The following CUL9 variants were observed in gnomAD, a reference collection of about 807,000 sequenced individuals.
The protein encoded by CUL9 is cullin 9.
Under a neutral mutation model 272.6 loss-of-function variants are expected in CUL9, and 79 were observed. The ratio of observed to expected loss-of-function variants is 0.29; its 90% confidence interval spans 0.24 to 0.35. The LOEUF is 0.35. Among genes scored for constraint, CUL9 ranks in the 10% least tolerant of loss-of-function variants. The pLI is 1.00. For synonymous variants in CUL9, 1,186 were observed against 1,286.5 expected (o/e 0.92, Z 1.67); for missense variants, 2,532 against 3,255.6 (o/e 0.78, Z 5.41).
chr6:43,195,999 A>G, intron 9 of CUL9, 70 bp from the exon 10 acceptor site: 1 of 1,393,690 alleles, frequency 7.2e-7, no homozygotes, highest in Non-Finnish European at 1.0e-6. Context: ...TTTGAGGTCT[A>G]GAATGAGGCC....
At chr6:43,201,074 A>T (rs954560038) in intron 16 of CUL9, among the ~76,000 whole-genome samples, 15 of 152,232 alleles carry the variant, frequency 9.9e-5, no homozygotes, top group African/African-American at 3.4e-4. Context: ...CTTAGTGTTG[A>T]GGGAGATAAA....
In CUL9 at chr6:43,192,722, A is replaced by G. The variant is rs117989753; in HGVS notation, c.2181-279A>G. Among the ~76,000 whole-genome samples, 115 of 152,366 alleles carry G rather than the reference A, an allele frequency of 7.5e-4. 1 individual carries two copies. The East Asian group carries it at 0.018, about 24-fold the overall frequency. ...CCACCTTTTAGGCATTTTGATTAGT[A>G]TCACTTTGAATTTATAGATTTATTT... On this transcript the variant is annotated intron_variant, in intron 8 of 40. Coordinates refer to ENST00000252050, the MANE Select transcript of CUL9 (RefSeq NM_015089.4).
chr6:43,188,425 G>A (rs2150526291), intron 7 of CUL9, 98 bp from the exon 8 acceptor site: 5 of 1,205,554 alleles, frequency 4.1e-6, no homozygotes, highest in Non-Finnish European at 5.8e-6. Flanking sequence ...CCGATAATGT[G>A]TTTAAATATT....
chr6:43,191,297 T>TG (rs60776527), intron 8 of CUL9, among the ~76,000 whole-genome samples: 167 of 136,868 alleles, frequency 1.2e-3, no homozygotes, highest in African/African-American at 4.4e-3. Context: ...TGTGTGCGTG[T>TG]TGTTTTTTTT....
Position 43,205,824 on chromosome 6 carries a change from C to T in CUL9, c.4794-183C>T, listed in dbSNP as rs374612378. ...AGCCTGGGTGACAAGAGCAAGACTC[C>T]GTCTCAAAAAAAAAAAAAAAAAGTG... is the stretch of plus-strand genomic sequence containing the variant. On this transcript the variant is annotated intron_variant, in intron 24 of 40. Transcript: ENST00000252050. 3.3e-4 allele frequency among the ~76,000 whole-genome samples: 48 copies of T among 143,676 alleles called. No individual in the cohort carries two copies. In the South Asian group the frequency reaches 0.01, roughly 30 times the overall value. 94.3% of individuals were successfully genotyped at this position (143,676 alleles called of 152,430 possible).
Position 43,220,796 on chromosome 6 carries a change from C to T in CUL9, c.6473C>T (p.Thr2158Ile), listed in dbSNP as rs200693206. 30 of 1,613,358 alleles carry T rather than the reference C, an allele frequency of 1.9e-5. No homozygotes were observed. Among genetic ancestry groups the T allele is most frequent in the Non-Finnish European group, 3.4e-6 (4 of 1,180,000 alleles). ...RGYVESCSNL[T>I]WCTNPQGCDR... ...TATGTGGAGAGCTGCTCCAACCTGA[C>T]CTGGTGCACCAACCCCCAGGGCTGC... The change falls in exon 33 of 41, where the codon ACC (threonine) becomes ATC (isoleucine). Residue 2158 changes from threonine (T) to isoleucine (I), a missense_variant. Around this residue, in one of 3 missense-constraint regions of CUL9, gnomAD observed 2,218 missense variants for 2,788.6 expected, o/e 0.80. Coordinates refer to ENST00000252050, the MANE Select transcript of CUL9 (RefSeq NM_015089.4). This position sits in a 1 kb window ranked among gnomAD's most constrained non-coding sequence, Gnocchi z 4.9.
Position 43,220,487 on chromosome 6 carries a change from G to T in CUL9, c.6311G>T (p.Arg2104Leu). Reference protein sequence around the residue: ...KSCWNEYLTTRIEQNLVLNCT... With the variant: ...KSCWNEYLTTLIEQNLVLNCT... ...TGCTGGAATGAGTACCTGACAACTCGGATCGAGCAGAACCTTGTTTTGAAT... is the reference window on the plus strand; with the variant it reads ...TGCTGGAATGAGTACCTGACAACTCTGATCGAGCAGAACCTTGTTTTGAAT... Residue 2104 changes from arginine to leucine, a missense_variant, in exon 32 of 41, where the codon CGG becomes CTG. Physicochemically the swap from Arg to Leu is moderately radical, Grantham distance 102. Coordinates refer to ENST00000252050, the MANE Select transcript of CUL9 (RefSeq NM_015089.4). The surrounding 1 kb of genome is among the most constrained non-coding windows in gnomAD (Gnocchi z 4.9). 5.0e-6 allele frequency: 8 copies of T among 1,614,114 alleles called. No homozygotes were observed. Among genetic ancestry groups the T allele is most frequent in the Non-Finnish European group, 4.2e-6 (5 of 1,180,008 alleles).
At position 43,200,771 on chromosome 6, in the gene CUL9, A is replaced by AT. The variant is rs763173259; in HGVS notation, c.3584_3585insT (p.Glu1195AspfsTer22). On this transcript the variant is annotated frameshift_variant, in exon 16 of 41. Transcript: ENST00000252050. LOFTEE classifies it high-confidence loss of function. This position sits in a 1 kb window ranked among gnomAD's most constrained non-coding sequence, Gnocchi z 4.0. ...GACCACAACCCCAAGACCTACTGGG[A>AT]GTCCAACGGCAGCACCGGCTCCCAC... 1.2e-6 allele frequency: 2 copies of AT among 1,614,050 alleles called. No homozygotes were observed. Among genetic ancestry groups the AT allele is most frequent in the East Asian group, 4.5e-5 (2 of 44,890 alleles).
At chr6:43,195,549 G>A (rs1336978246) in intron 9 of CUL9, among the ~76,000 whole-genome samples, 1 of 152,152 alleles carries the variant, frequency 6.6e-6, no homozygotes, top group Admixed American at 6.5e-5. Context: ...TCCAGAGAAA[G>A]GGGACAAGGA....
rs535007971 is a variant in CUL9, at chr6:43,206,104, C to G, written c.4891C>G (p.Gln1631Glu). The G allele has an allele frequency of 1.2e-6, 2 of 1,614,174 alleles. No homozygotes were observed. The highest frequency in any genetic ancestry group is 8.5e-7 in the Non-Finnish European group (1 of 1,180,046). The change falls in exon 25 of 41, where the codon CAG (glutamine) becomes GAG (glutamate). Residue 1631 changes from glutamine to glutamate, a missense_variant. Coordinates refer to ENST00000252050, the MANE Select transcript of CUL9 (RefSeq NM_015089.4). The surrounding 1 kb of genome is among the most constrained non-coding windows in gnomAD (Gnocchi z 4.8). ...IGLCFPNRLP[Q>E]LMLQSLSTSE... ...CCTCTGTTTTCCCAACCGCCTCCCA[C>G]AGCTGATGCTGCAGAGCCTGAGCAC...
At chr6:43,194,704 C>T (rs932575894) in intron 9 of CUL9, among the ~76,000 whole-genome samples, 2 of 152,060 alleles carry the variant, frequency 1.3e-5, no homozygotes, top group Admixed American at 6.6e-5. Flanking sequence ...CTGATCCTCT[C>T]AAATTACGTG....
At chr6:43,192,326 G>A (rs773558844) in intron 8 of CUL9, among the ~76,000 whole-genome samples, 1 of 152,138 alleles carries the variant, frequency 6.6e-6, no homozygotes, top group Non-Finnish European at 1.5e-5. Context: ...GGGATTACAG[G>A]CATGAGCTGC....
At position 43,213,873 on chromosome 6, in the gene CUL9, TG is replaced by T; in HGVS notation, c.5653del (p.Glu1885LysfsTer50). The T allele has an allele frequency of 6.2e-7, 1 of 1,613,948 alleles. No homozygotes were observed. Among genetic ancestry groups the T allele is most frequent in the Non-Finnish European group, 8.5e-7 (1 of 1,179,970 alleles). On this transcript the variant is annotated frameshift_variant, in exon 29 of 41. Coordinates refer to ENST00000252050, the MANE Select transcript of CUL9 (RefSeq NM_015089.4). LOFTEE classifies it high-confidence loss of function. This position sits in a 1 kb window ranked among gnomAD's most constrained non-coding sequence, Gnocchi z 5.7. ...CLLVRILKAH[G>X]EKGLHIDQLV... is the part of the protein sequence containing the mutation. The stretch of plus-strand genomic sequence containing the variant: ...TTCTTGTTCGTATTCTCAAAGCCCA[TG>T]GGGAAAAGGGCCTCCACATTGATCA...
At chr6:43,216,911 T>C (rs1163603852) in intron 31 of CUL9, among the ~76,000 whole-genome samples, 2 of 152,156 alleles carry the variant, frequency 1.3e-5, no homozygotes, top group Non-Finnish European at 2.9e-5. Flanking sequence ...ACGTGTAAAA[T>C]AGATGTCAAG....
At chr6:43,195,420 T>C (rs753558933) in intron 9 of CUL9, among the ~76,000 whole-genome samples, 1 of 152,248 alleles carries the variant, frequency 6.6e-6, no homozygotes, top group African/African-American at 2.4e-5. Context: ...AGAAGTCTTA[T>C]CTAGAAGGGC....
At chr6:43,205,629 T>C (rs558950688) in intron 24 of CUL9, among the ~76,000 whole-genome samples, 2 of 152,250 alleles carry the variant, frequency 1.3e-5, no homozygotes, top group African/African-American at 2.4e-5. Context: ...AAGACCAGCC[T>C]GACCAACATG....
chr6:43,185,925 T>C (rs780978576), intron 3 of CUL9, 30 bp from the exon 4 acceptor site: 30 of 1,563,844 alleles, frequency 1.9e-5, no homozygotes, highest in South Asian at 4.8e-5. Flanking sequence ...CAGGAAGAGA[T>C]GAACCTGTCC....
At chr6:43,204,042 G>T in intron 20 of CUL9, 55 bp downstream of exon 20, 1 of 1,532,812 alleles carries the variant, frequency 6.5e-7, no homozygotes, top group Non-Finnish European at 8.8e-7. Flanking sequence ...TATTCCCAGG[G>T]ATCACCTGAG....
intron 1 of CUL9, among the ~76,000 whole-genome samples, chr6:43,183,494 C>G (rs1437970665): frequency 6.6e-6 from 1 of 152,180 alleles, no homozygotes; most frequent in Non-Finnish European, 1.5e-5. Context: ...TGCCCCTCCG[C>G]TATCCTACTT....
Sources: allele counts gnomAD v4.1 joint callset (sites outside exome capture counted in the v4.1 genomes callset), GRCh38; gene constraint gnomAD v4.1.1; regional missense constraint gnomAD v4.1.1; non-coding constraint Gnocchi (gnomAD v3.1); transcripts MANE v1.5; gene names NCBI Gene and HGNC (gene_info 2026-07-23, HGNC 2026-07-21).